DENND1A: variants seen among roughly 807,000 people sequenced by gnomAD.
DENND1A encodes the protein DENN domain-containing protein 1A.
Under a neutral mutation model 113.7 loss-of-function variants are expected in DENND1A, and 51 were observed. The ratio of observed to expected loss-of-function variants is 0.45; its 90% CI spans 0.36 to 0.57. The LOEUF is 0.57. Among genes scored for constraint, DENND1A ranks in the 20% least tolerant of loss-of-function variants. The probability of loss-of-function intolerance (pLI) is 0.00; values close to 1 mark genes in which losing one functional copy is unlikely to be tolerated. For missense variants in DENND1A, 1,258 were observed against 1,395.9 expected (o/e 0.90, Z 1.57); for synonymous variants, 565 against 570.8 (o/e 0.99, Z 0.14).
At chr9:123,647,069 T>C (rs1397689562) in intron 9 of DENND1A, among the ~76,000 whole-genome samples, 1 of 152,224 alleles carries the variant, frequency 6.6e-6, no homozygotes, top group African/African-American at 2.4e-5. Flanking sequence ...TCAGGCAATG[T>C]TGATTCTTAA....
chr9:123,381,607 G>C lies in DENND1A; in HGVS notation c.3038C>G (p.Pro1013Arg). 1 of 1,613,040 alleles carries C rather than the reference G, an allele frequency of 6.2e-7. No individual in the cohort carries two copies. The highest frequency in any genetic ancestry group is 8.5e-7 in the Non-Finnish European group (1 of 1,179,792). ...TGGCTCCAGGCCTTGAGGGGGCCTG[G>C]GAGGCAGAAGCGGGGGGTCTCCAGG... ...LRPGDPPLLP[P>R]RPPQGLEPTL... Residue 1013 changes from proline to arginine, a missense_variant, in exon 24 of 24, where the codon CCC becomes CGC. Pro to Arg is a moderately radical substitution (Grantham distance 103, BLOSUM62 -2). Around this residue, in one of 2 missense-constraint regions of DENND1A, gnomAD observed 1,159 missense variants for 1,231.7 expected, o/e 0.94. Transcript: ENST00000394215. This position sits in a 1 kb window ranked among gnomAD's most constrained non-coding sequence, Gnocchi z 4.7.
chr9:123,604,163 C>T (rs767531661), intron 11 of DENND1A, among the ~76,000 whole-genome samples: 1 of 152,192 alleles, frequency 6.6e-6, no homozygotes. Flanking sequence ...ATGCTCCTAT[C>T]GGAGGCTGAA....
At chr9:123,691,810 C>A (rs1023598395) in intron 5 of DENND1A, among the ~76,000 whole-genome samples, 4 of 152,042 alleles carry the variant, frequency 2.6e-5, no homozygotes, top group Non-Finnish European at 5.9e-5. Context: ...TGGTGAAAGT[C>A]CTCAAGGAAG....
At chr9:123,673,366 A>G (rs2063858835) in intron 6 of DENND1A, among the ~76,000 whole-genome samples, 1 of 152,164 alleles carries the variant, frequency 6.6e-6, no homozygotes, top group Admixed American at 6.5e-5. Flanking sequence ...TTGATGCTCA[A>G]ATTGTTCCAG....
chr9:123,392,188 G>A (rs149920281), intron 21 of DENND1A, among the ~76,000 whole-genome samples: 109 of 152,290 alleles, frequency 7.2e-4, no homozygotes, highest in African/African-American at 2.5e-3. Flanking sequence ...CTGCCGCGCC[G>A]GGATCGCACC....
intron 5 of DENND1A, among the ~76,000 whole-genome samples, chr9:123,683,732 T>G (rs2064621732): frequency 6.6e-6 from 1 of 152,202 alleles, no homozygotes; most frequent in African/African-American, 2.4e-5. Context: ...TGGTGTCAAC[T>G]CCATGAGATC....
chr9:123,676,887 C>T, intron 5 of DENND1A, 98 bp from the exon 6 acceptor site: 2 of 1,123,762 alleles, frequency 1.8e-6, no homozygotes, highest in South Asian at 1.3e-5. Flanking sequence ...TTTTGCTCTA[C>T]ATCCTGAAGA....
chr9:123,453,885 T>C (rs935251612), intron 16 of DENND1A, among the ~76,000 whole-genome samples: 9 of 152,374 alleles, frequency 5.9e-5, no homozygotes, highest in South Asian at 2.1e-4. Flanking sequence ...CTTTGGAGTA[T>C]TGAAACTCCC....
chr9:123,511,851 A>G (rs2134578451), intron 13 of DENND1A, among the ~76,000 whole-genome samples: 1 of 152,344 alleles, frequency 6.6e-6, no homozygotes, highest in African/African-American at 2.4e-5. Flanking sequence ...TGGGGGTTGC[A>G]GGGATTGTCT....
intron 5 of DENND1A, among the ~76,000 whole-genome samples, chr9:123,726,406 G>A (rs1261731174): frequency 2.0e-5 from 3 of 152,158 alleles, no homozygotes; most frequent in Non-Finnish European, 4.4e-5. Context: ...CACACTCCAT[G>A]CTGCCTCTCC....
chr9:123,679,095 G>C (rs1312282796), intron 5 of DENND1A, among the ~76,000 whole-genome samples: 1 of 152,170 alleles, frequency 6.6e-6, no homozygotes, highest in Admixed American at 6.5e-5. Flanking sequence ...CAGGAGGCAG[G>C]GGGGAAAAGG....
chr9:123,542,512 A>G (rs1320979698), intron 13 of DENND1A, among the ~76,000 whole-genome samples: 2 of 151,994 alleles, frequency 1.3e-5, no homozygotes, highest in African/African-American at 4.8e-5. Context: ...AGCCTGCTTG[A>G]CCTCAGACTC....
At chr9:123,649,207 A>T (rs1046502596) in intron 9 of DENND1A, among the ~76,000 whole-genome samples, 2 of 152,230 alleles carry the variant, frequency 1.3e-5, no homozygotes, top group African/African-American at 4.8e-5. Flanking sequence ...TCTTCAAGAT[A>T]TCAGGTCTTC....
intron 5 of DENND1A, among the ~76,000 whole-genome samples, chr9:123,715,002 C>T (rs1262946860): frequency 2.0e-5 from 3 of 151,782 alleles, no homozygotes; most frequent in Non-Finnish European, 2.9e-5. Flanking sequence ...GCCAACATGG[C>T]GAAACCCCAT....
At chr9:123,518,602 A>G (rs546181415) in intron 13 of DENND1A, among the ~76,000 whole-genome samples, 2 of 152,180 alleles carry the variant, frequency 1.3e-5, no homozygotes, top group Non-Finnish European at 2.9e-5. Flanking sequence ...AATTTATTTT[A>G]AAAAATGACT....
intron 2 of DENND1A, among the ~76,000 whole-genome samples, chr9:123,806,381 C>T (rs532940921): frequency 5.3e-5 from 8 of 152,166 alleles, no homozygotes; most frequent in South Asian, 2.1e-4. Context: ...TCAGCCTCCC[C>T]GAGTAGTTGG....
At chr9:123,493,452 GA>G (rs1175959582) in intron 13 of DENND1A, among the ~76,000 whole-genome samples, 1 of 152,196 alleles carries the variant, frequency 6.6e-6, no homozygotes, top group Non-Finnish European at 1.5e-5. Context: ...TGAAAACTTG[GA>G]GGGGTGGGAA....
intron 5 of DENND1A, among the ~76,000 whole-genome samples, chr9:123,719,160 G>C (rs1476125110): frequency 6.6e-6 from 1 of 152,184 alleles, no homozygotes; most frequent in Non-Finnish European, 1.5e-5. Flanking sequence ...AAATTACCCA[G>C]TCTCAGGTAT....
intron 5 of DENND1A, among the ~76,000 whole-genome samples, chr9:123,701,933 C>T (rs117119203): frequency 6.6e-6 from 1 of 152,146 alleles, no homozygotes; most frequent in African/African-American, 2.4e-5. Context: ...CAGGGAAACA[C>T]GTTGTCACTA....
Sources: allele counts gnomAD v4.1 joint callset (sites outside exome capture counted in the v4.1 genomes callset), GRCh38; gene constraint gnomAD v4.1.1; regional missense constraint gnomAD v4.1.1; non-coding constraint Gnocchi (gnomAD v3.1); transcripts MANE v1.5; gene names NCBI Gene and HGNC (gene_info 2026-07-23, HGNC 2026-07-21).